RFNG: variants seen among roughly 807,000 people sequenced by gnomAD.
RFNG encodes RFNG O-fucosylpeptide 3-beta-N-acetylglucosaminyltransferase.
RFNG carries 37 observed loss-of-function variants against 29.6 expected under a neutral mutation model. The observed-to-expected ratio is 1.25, with a 90% CI of 0.96 to 1.65. The LOEUF (loss-of-function observed/expected upper bound fraction) is 1.65, where lower values mean the gene tolerates loss of function less well. RFNG is among the 40% of genes most tolerant of loss of function. RFNG has a pLI of 0.00. For missense variants in RFNG, 546 were observed against 457.0 expected (o/e 1.19, Z -1.78); for synonymous variants, 276 against 197.3 (o/e 1.40, Z -3.34).
intron 6 of RFNG, chr17:82,049,443 T>G: frequency 1.4e-6 from 1 of 708,312 alleles, no homozygotes; most frequent in South Asian, 1.5e-5. Context: ...GGGGCCTCAC[T>G]GGCCCGAGAA....
Position 82,051,099 on chromosome 17 carries a change from G to A in RFNG, c.316+195C>T, listed in dbSNP as rs1026752982. 8 of 1,359,494 alleles carry A rather than the reference G, an allele frequency of 5.9e-6. No individual in the cohort carries two copies. Among genetic ancestry groups the A allele is most frequent in the Non-Finnish European group, 7.5e-6 (8 of 1,061,838 alleles). 84.2% of individuals were successfully genotyped at this position (1,359,494 alleles called of 1,614,324 possible). ...CCCCGGGAAGCGGCTAGTGTGAGAG[G>A]CTGGTGGGGAGCAGAGCTTGGCTGG... On this transcript the variant is annotated intron_variant, in intron 2 of 7. Coordinates refer to ENST00000310496, the MANE Select transcript of RFNG (RefSeq NM_002917.2). The surrounding 1 kb of genome is among the most constrained non-coding windows in gnomAD (Gnocchi z 4.1).
At position 82,049,667 on chromosome 17, in the gene RFNG, G is replaced by A; in HGVS notation, c.828+10C>T. On this transcript the variant is annotated intron_variant, in intron 6 of 7. Coordinates refer to ENST00000310496, the MANE Select transcript of RFNG (RefSeq NM_002917.2). ...CCAGGTGGCAGAGGCACCCAGAGTG[G>A]CGCCTGTACCTGCTGGAGCAGGGTG... 1 of 1,461,446 alleles carries A rather than the reference G, an allele frequency of 6.8e-7. No homozygotes were observed. The highest frequency in any genetic ancestry group is 9.0e-7 in the Non-Finnish European group (1 of 1,106,108). The allele number at this position is 1,461,446 out of a possible 1,614,324, so 90.5% of individuals were successfully genotyped here.
At position 82,050,470 on chromosome 17, in the gene RFNG, C is replaced by T. The variant is rs372993379; in HGVS notation, c.505G>A (p.Val169Ile). ...TCCAGGCTGGGCCGCCCCAGGTAGA[C>T]GTCCTGGCTGGGTGAGAAGCTGGAG... is the stretch of plus-strand genomic sequence containing the variant. ...LLSSFSPSQDVYLGRPSLDHP... is the reference protein window; with the variant it reads ...LLSSFSPSQDIYLGRPSLDHP... The change falls in exon 4 of 8, where the codon GTC (valine) becomes ATC (isoleucine). Residue 169 changes from valine to isoleucine, a missense_variant. Val to Ile is a conservative substitution (Grantham distance 29). Coordinates refer to ENST00000310496, the MANE Select transcript of RFNG (RefSeq NM_002917.2). 1.2e-5 allele frequency: 20 copies of T among 1,612,798 alleles called. No individual in the cohort carries two copies. Among genetic ancestry groups the T allele is most frequent in the African/African-American group, 6.7e-5 (5 of 74,916 alleles).
Position 82,048,437 on chromosome 17 carries a change from C to T in RFNG, c.*289G>A. On this transcript the variant is annotated 3_prime_UTR_variant, in exon 8 of 8. Coordinates refer to ENST00000310496, the MANE Select transcript of RFNG (RefSeq NM_002917.2). Reference sequence around the variant, plus strand: ...CAGCTCCCTCCCAGGTGCGCAAGTGCTGGGGTGGAAGCCTGTTCCCGTGGG... The same window carrying T: ...CAGCTCCCTCCCAGGTGCGCAAGTGTTGGGGTGGAAGCCTGTTCCCGTGGG... 2.2e-6 allele frequency: 1 copy of T among 461,432 alleles called. No homozygotes were observed. 28.6% of individuals were successfully genotyped at this position (461,432 alleles called of 1,614,324 possible). A position where few individuals can be genotyped will look rare whatever the true frequency, so the allele number is the denominator to read the frequency against.
In RFNG at chr17:82,050,012, G is replaced by C; in HGVS notation, c.574-6C>G. The C allele has an allele frequency of 6.2e-7, 1 of 1,603,162 alleles. No homozygotes were observed. Among genetic ancestry groups the C allele is most frequent in the South Asian group, 1.1e-5 (1 of 89,678 alleles). ...CAGAACTTGACCGTGGTCACCTGAA[G>C]ATGGGGTGGTGGTCAGAGCTGCCCA... On this transcript the variant is annotated splice_region_variant and splice_polypyrimidine_tract_variant and intron_variant, in intron 4 of 7. Transcript: ENST00000310496.
chr17:82,049,941 G>C lies in RFNG; in HGVS notation c.639C>G (p.Ala213=), dbSNP rs368182949. 3.7e-5 allele frequency: 60 copies of C among 1,612,432 alleles called. 1 individual carries two copies. In the South Asian group the frequency reaches 6.6e-4, roughly 18 times the overall value. ...GAGFCLSRGL[A]LKMSPWASLG... is the part of the protein sequence containing the mutation. Reference sequence around the variant, plus strand: ...ACCTGGCCCATGGGCTCATCTTGAGGGCAAGGCCTCTGCTGAGGCAGAACC... The same window carrying C: ...ACCTGGCCCATGGGCTCATCTTGAGCGCAAGGCCTCTGCTGAGGCAGAACC... Residue 213 remains alanine, a synonymous_variant, in exon 5 of 8, where the codon GCC becomes GCG. Transcript: ENST00000310496.
chr17:82,050,638 G>T (rs1242321268), intron 3 of RFNG, 24 bp downstream of exon 3: 1 of 1,611,700 alleles, frequency 6.2e-7, no homozygotes, highest in Non-Finnish European at 8.5e-7. Flanking sequence ...TGAGCTCTCT[G>T]CGGGTCGGGT....
chr17:82,049,604 G>A (rs1343443433), intron 6 of RFNG, 73 bp downstream of exon 6: 2 of 1,457,874 alleles, frequency 1.4e-6, no homozygotes, highest in Middle Eastern at 1.8e-4. Context: ...TCGGGCCGGG[G>A]CAGTGGGGCC....
chr17:82,049,909 C>T lies in RFNG; in HGVS notation c.662+9G>A, dbSNP rs759210925. ...GCCTCCCAGCCCGGGCAGCTGGACC[C>T]CCACTCACCTGGCCCATGGGCTCAT... On this transcript the variant is annotated intron_variant, in intron 5 of 7. Transcript: ENST00000310496. 1.9e-6 allele frequency: 3 copies of T among 1,611,908 alleles called. No individual in the cohort carries two copies. The highest frequency in any genetic ancestry group is 2.5e-6 in the Non-Finnish European group (3 of 1,179,538).
In RFNG at chr17:82,051,103, G is replaced by C; in HGVS notation, c.316+191C>G. ...GGGAAGCGGCTAGTGTGAGAGGCTG[G>C]TGGGGAGCAGAGCTTGGCTGGCAGG... On this transcript the variant is annotated intron_variant, in intron 2 of 7. Transcript: ENST00000310496. The surrounding 1 kb of genome is among the most constrained non-coding windows in gnomAD (Gnocchi z 4.1). 1.5e-6 allele frequency: 2 copies of C among 1,355,098 alleles called. No individual in the cohort carries two copies. The highest frequency in any genetic ancestry group is 9.4e-7 in the Non-Finnish European group (1 of 1,059,260). 83.9% of individuals were successfully genotyped at this position (1,355,098 alleles called of 1,614,324 possible).
intron 2 of RFNG, 114 bp from the exon 3 acceptor site, chr17:82,050,878 T>C: frequency 2.1e-6 from 3 of 1,417,284 alleles, no homozygotes; most frequent in East Asian, 2.5e-5. Context: ...CTGACATGCC[T>C]GGACACCTTG....
rs1050340029 is a variant in RFNG, at chr17:82,051,197, G to A, written c.316+97C>T. 6.1e-6 allele frequency: 8 copies of A among 1,307,380 alleles called. No homozygotes were observed. The highest frequency in any genetic ancestry group is 1.5e-5 in the African/African-American group (1 of 64,820). 81.0% of individuals were successfully genotyped at this position (1,307,380 alleles called of 1,614,324 possible). A position where few individuals can be genotyped will look rare whatever the true frequency, so the allele number is the denominator to read the frequency against. On this transcript the variant is annotated intron_variant, in intron 2 of 7. Transcript: ENST00000310496. This position sits in a 1 kb window ranked among gnomAD's most constrained non-coding sequence, Gnocchi z 4.1. The stretch of plus-strand genomic sequence containing the variant: ...TCCCCGGGCCTCGGGAGCCTGGGCA[G>A]AGAAAGGCACCCACAGCAGCGAAGG...
rs776844756 is a variant in RFNG, at chr17:82,051,277, G to T, written c.316+17C>A. 1 of 1,367,822 alleles carries T rather than the reference G, an allele frequency of 7.3e-7. No individual in the cohort carries two copies. The highest frequency in any genetic ancestry group is 1.5e-5 in the African/African-American group (1 of 66,544). 84.7% of individuals were successfully genotyped at this position (1,367,822 alleles called of 1,614,324 possible). A position where few individuals can be genotyped will look rare whatever the true frequency, so the allele number is the denominator to read the frequency against. On this transcript the variant is annotated intron_variant, in intron 2 of 7. Transcript: ENST00000310496. The surrounding 1 kb of genome is among the most constrained non-coding windows in gnomAD (Gnocchi z 4.1). ...GGGGGCAGATCCCGCGGGCGCCGGG[G>T]AGTGGGGGACACTCACCGCCCTGGA...
Position 82,051,644 on chromosome 17 carries a change from C to T in RFNG, c.123G>A (p.Pro41=). 3.5e-5 allele frequency: 27 copies of T among 766,578 alleles called. No homozygotes were observed. Among genetic ancestry groups the T allele is most frequent in the Non-Finnish European group, 4.3e-5 (27 of 621,724 alleles). The allele number at this position is 766,578 out of a possible 1,614,324, so 47.5% of individuals were successfully genotyped here. A position where few individuals can be genotyped will look rare whatever the true frequency, so the allele number is the denominator to read the frequency against. Reference sequence around the variant, plus strand: ...GCCGGGACGGGGGCGCGCGCGGGGCCGGGGCGGGGGTCCGGGCCGGGGCGG... The same window carrying T: ...GCCGGGACGGGGGCGCGCGCGGGGCTGGGGCGGGGGTCCGGGCCGGGGCGG... ...RAPAPARTPA[P]APRAPPSRPA... is the part of the protein sequence containing the mutation. The change falls in exon 1 of 8, where the codon CCG becomes CCA. Residue 41 remains proline, a synonymous_variant. Transcript: ENST00000310496. The surrounding 1 kb of genome is among the most constrained non-coding windows in gnomAD (Gnocchi z 4.1).
chr17:82,051,238 G>C lies in RFNG; in HGVS notation c.316+56C>G. On this transcript the variant is annotated intron_variant, in intron 2 of 7. Transcript: ENST00000310496. This position sits in a 1 kb window ranked among gnomAD's most constrained non-coding sequence, Gnocchi z 4.1. Reference sequence around the variant, plus strand: ...GCAGCGAAGGGGCCGTGGCTTCGGAGCGAGAAAGGCTCGGGGGGCAGATCC... The same window carrying C: ...GCAGCGAAGGGGCCGTGGCTTCGGACCGAGAAAGGCTCGGGGGGCAGATCC... The C allele has an allele frequency of 7.5e-7, 1 of 1,326,676 alleles. No individual in the cohort carries two copies. Among genetic ancestry groups the C allele is most frequent in the Non-Finnish European group, 9.7e-7 (1 of 1,034,788 alleles). The allele number at this position is 1,326,676 out of a possible 1,614,324, so 82.2% of individuals were successfully genotyped here.
At position 82,051,116 on chromosome 17, in the gene RFNG, C is replaced by G; in HGVS notation, c.316+178G>C. On this transcript the variant is annotated intron_variant, in intron 2 of 7. Transcript: ENST00000310496. The surrounding 1 kb of genome is among the most constrained non-coding windows in gnomAD (Gnocchi z 4.1). ...TGTGAGAGGCTGGTGGGGAGCAGAGCTTGGCTGGCAGGGTGGGCCCTCCGC... is the reference window on the plus strand; with the variant it reads ...TGTGAGAGGCTGGTGGGGAGCAGAGGTTGGCTGGCAGGGTGGGCCCTCCGC... The G allele has an allele frequency of 7.5e-7, 1 of 1,337,432 alleles. No individual in the cohort carries two copies. Among genetic ancestry groups the G allele is most frequent in the Non-Finnish European group, 9.5e-7 (1 of 1,049,092 alleles). The allele number at this position is 1,337,432 out of a possible 1,614,324, so 82.8% of individuals were successfully genotyped here.
intron 6 of RFNG, 26 bp from the exon 7 acceptor site, chr17:82,049,142 T>G (rs12939972): frequency 6.3e-7 from 1 of 1,596,740 alleles, no homozygotes; most frequent in Non-Finnish European, 8.6e-7. Flanking sequence ...GTGGGCAGAG[T>G]GTGTGGCCTG....
chr17:82,050,725 G>C lies in RFNG; in HGVS notation c.356C>G (p.Thr119Ser), dbSNP rs1464499396. The C allele has an allele frequency of 1.9e-6, 3 of 1,613,228 alleles. No homozygotes were observed. Among genetic ancestry groups the C allele is most frequent in the South Asian group, 1.1e-5 (1 of 91,086 alleles). The part of the protein sequence containing the change: ...VINTNCSAVR[T>S]RQALCCKMSV... ...CATCTTGCAGCAGAGGGCCTGACGA[G>C]TGCGCACCGCCGAGCAGTTGGTGTT... Residue 119 changes from threonine (T) to serine (S), a missense_variant, in exon 3 of 8, where the codon ACT becomes AGT. Physicochemically the swap from Thr to Ser is moderately conservative, Grantham distance 58. Transcript: ENST00000310496.
At chr17:82,048,992 T>G (rs759174298) in intron 7 of RFNG, 39 bp downstream of exon 7, 1 of 1,589,496 alleles carries the variant, frequency 6.3e-7, no homozygotes, top group Admixed American at 1.7e-5. Flanking sequence ...CCAGAGCCCC[T>G]GCGGGGCCGA....
Sources: allele counts gnomAD v4.1 joint callset, GRCh38; gene constraint gnomAD v4.1.1; non-coding constraint Gnocchi (gnomAD v3.1); transcripts MANE v1.5; gene names NCBI Gene and HGNC (gene_info 2026-07-23, HGNC 2026-07-21).